Variants in ZSCAN21 observed in about 807,000 individuals in gnomAD.
ZSCAN21 encodes the protein zinc finger and SCAN domain containing 21, also known as zinc finger and SCAN domain-containing protein 21.
ZSCAN21 carries 26 observed loss-of-function variants against 35.6 expected under a neutral mutation model. The observed-to-expected ratio is 0.73, with a 90% CI of 0.54 to 1.01. ZSCAN21 has a LOEUF of 1.01. Ranked by LOEUF, ZSCAN21 falls within the 50% of genes least tolerant of loss-of-function variation. ZSCAN21 has a pLI of 0.00. For synonymous variants in ZSCAN21, 219 were observed against 219.3 expected, an observed-to-expected ratio of 1.00 and a Z score of 0.01; for missense variants, 593 against 587.1, an observed-to-expected ratio of 1.01 and a Z score of -0.10.
At position 100,064,165 on chromosome 7, in the gene ZSCAN21, T is replaced by A; in HGVS notation, c.970T>A (p.Tyr324Asn). ...FSHSSNLTLH[Y>N]RTHLVDRPYD... The stretch of plus-strand genomic sequence containing the variant: ...CCACAGCTCAAACCTCACCCTCCAC[T>A]ACAGAACACACTTGGTGGACCGGCC... Residue 324 changes from tyrosine (Y) to asparagine (N), a missense_variant, in exon 4 of 4, where the codon TAC becomes AAC. Coordinates refer to ENST00000292450, the MANE Select transcript of ZSCAN21 (RefSeq NM_145914.3). 1 of 1,613,624 alleles carries A rather than the reference T, an allele frequency of 6.2e-7. No homozygotes were observed. The highest frequency in any genetic ancestry group is 8.5e-7 in the Non-Finnish European group (1 of 1,179,926).
At chr7:100,055,168 C>A (rs1385865277) in intron 1 of ZSCAN21, among the ~76,000 whole-genome samples, 1 of 151,860 alleles carries the variant, frequency 6.6e-6, no homozygotes, top group Non-Finnish European at 1.5e-5. Context: ...GTTGGCCAGG[C>A]TGGTCTCGAA....
rs1368940225 is a variant in ZSCAN21 at position 100,056,918 on chromosome 7, T to G, written c.-89T>G. 4.4e-6 allele frequency: 6 copies of G among 1,355,550 alleles called. No individual in the cohort carries two copies. In the East Asian group the frequency reaches 9.4e-5, roughly 21 times the overall value. The allele number at this position is 1,355,550 out of a possible 1,614,324, so 84.0% of individuals were successfully genotyped here. ...GTAACTATATTTTCTTAGGTTTAAC[T>G]TGTGGCCCTAAAGAACTGGAAACCC... On this transcript the variant is annotated 5_prime_UTR_variant, in exon 2 of 4. Coordinates refer to ENST00000292450, the MANE Select transcript of ZSCAN21 (RefSeq NM_145914.3).
intron 1 of ZSCAN21, among the ~76,000 whole-genome samples, chr7:100,056,485 G>C (rs765848325): frequency 1.4e-4 from 21 of 150,778 alleles, no homozygotes; most frequent in Non-Finnish European, 3.0e-4. Context: ...TTTTTTTAGA[G>C]ATGGAATCTC....
At chr7:100,062,595 C>CA (rs1422999901) in intron 3 of ZSCAN21, among the ~76,000 whole-genome samples, 310 of 112,274 alleles carry the variant, frequency 2.8e-3, no homozygotes, top group Middle Eastern at 6.8e-3. Flanking sequence ...AACTCCATCT[C>CA]AAAAAAAAAA....
intron 3 of ZSCAN21, among the ~76,000 whole-genome samples, chr7:100,059,551 C>CTTT (rs11342747): frequency 1.2e-5 from 1 of 83,266 alleles, no homozygotes; most frequent in African/African-American, 4.1e-5. Context: ...TGCATAAAGT[C>CTTT]TTTTTTTTTT....
intron 1 of ZSCAN21, among the ~76,000 whole-genome samples, chr7:100,054,838 CAAAAAA>C (rs375324113): frequency 7.9e-5 from 5 of 63,044 alleles, no homozygotes; most frequent in African/African-American, 1.4e-4. Context: ...GACGCTGTCT[CAAAAAA>C]AAAAAAAAAA....
At chr7:100,059,779 G>A (rs1019539883) in intron 3 of ZSCAN21, among the ~76,000 whole-genome samples, 9 of 151,668 alleles carry the variant, frequency 5.9e-5, no homozygotes, top group African/African-American at 1.7e-4. Context: ...GCGCTATATC[G>A]GCTCACCGCA....
At chr7:100,053,960 G>A (rs1584370360) in intron 1 of ZSCAN21, among the ~76,000 whole-genome samples, 1 of 152,022 alleles carries the variant, frequency 6.6e-6, no homozygotes, top group Non-Finnish European at 1.5e-5. Context: ...CGCCTGCCTT[G>A]GCCTCCAGAA....
intron 1 of ZSCAN21, among the ~76,000 whole-genome samples, chr7:100,055,341 T>C (rs1584372286): frequency 6.6e-6 from 1 of 151,926 alleles, no homozygotes; most frequent in East Asian, 1.9e-4. Context: ...CTCGGCTCAT[T>C]GCAACCTCTG....
chr7:100,050,147 C>T (rs1460866383), intron 1 of ZSCAN21, among the ~76,000 whole-genome samples: 3 of 152,204 alleles, frequency 2.0e-5, no homozygotes, highest in Non-Finnish European at 4.4e-5. Flanking sequence ...GCCAAGCCGT[C>T]TATCAGTCTG....
At chr7:100,062,281 CTTT>C (rs921079005) in intron 3 of ZSCAN21, among the ~76,000 whole-genome samples, 4 of 96,622 alleles carry the variant, frequency 4.1e-5, no homozygotes, top group Admixed American at 2.2e-4. Context: ...CTCAACTGTT[CTTT>C]TTTTTTTTTT....
chr7:100,051,809 G>A (rs1413930616), intron 1 of ZSCAN21, among the ~76,000 whole-genome samples: 2 of 152,098 alleles, frequency 1.3e-5, no homozygotes, highest in African/African-American at 2.4e-5. Context: ...TTCTGTTTAT[G>A]ATAGACCATG....
intron 1 of ZSCAN21, among the ~76,000 whole-genome samples, chr7:100,051,174 G>T (rs1366822554): frequency 6.4e-5 from 1 of 15,710 alleles, no homozygotes; most frequent in Non-Finnish European, 1.1e-4. Context: ...GTGAAACTAC[G>T]TCTCAAAAAA....
At chr7:100,054,847 A>G (rs1792018050) in intron 1 of ZSCAN21, among the ~76,000 whole-genome samples, 1 of 151,448 alleles carries the variant, frequency 6.6e-6, no homozygotes, top group Non-Finnish European at 1.5e-5. Flanking sequence ...TCAAAAAAAA[A>G]AAAAAAAAAA....
intron 1 of ZSCAN21, among the ~76,000 whole-genome samples, chr7:100,055,878 G>C (rs1424727550): frequency 6.8e-6 from 1 of 147,906 alleles, no homozygotes; most frequent in Non-Finnish European, 1.5e-5. Flanking sequence ...TCCTGACCTC[G>C]TGATCCGCCC....
intron 1 of ZSCAN21, among the ~76,000 whole-genome samples, chr7:100,056,294 G>A (rs1210800745): frequency 6.6e-6 from 1 of 152,114 alleles, no homozygotes; most frequent in East Asian, 1.9e-4. Context: ...TAAACAGATG[G>A]CATCTAGCCA....
chr7:100,058,373 G>A (rs1396888100), intron 3 of ZSCAN21, among the ~76,000 whole-genome samples: 1 of 152,104 alleles, frequency 6.6e-6, no homozygotes, highest in Non-Finnish European at 1.5e-5. Context: ...GGGATGAGGA[G>A]AAAACGGAAT....
chr7:100,053,541 A>ACATACATACATACATC (rs1791963073), intron 1 of ZSCAN21, among the ~76,000 whole-genome samples: 1 of 146,078 alleles, frequency 6.8e-6, no homozygotes, highest in African/African-American at 2.5e-5. Context: ...ATACATACAT[A>ACATACATACATACATC]CATAATTTTT....
chr7:100,052,499 C>G (rs959126150), intron 1 of ZSCAN21, among the ~76,000 whole-genome samples: 1 of 151,462 alleles, frequency 6.6e-6, no homozygotes, highest in Non-Finnish European at 1.5e-5. Flanking sequence ...GTTTTTCGGT[C>G]CAAGTAAAAA....
Sources: allele counts gnomAD v4.1 joint callset (sites outside exome capture counted in the v4.1 genomes callset), GRCh38; gene constraint gnomAD v4.1.1; transcripts MANE v1.5; gene names NCBI Gene and HGNC (gene_info 2026-07-23, HGNC 2026-07-21).